Variants in CSMD1 observed in about 807,000 individuals in gnomAD.
CSMD1 encodes the protein CUB and sushi domain-containing protein 1.
In CSMD1, 213 loss-of-function variants were observed where a neutral mutation model predicts 417.5. The ratio of observed to expected loss-of-function variants is 0.51; its 90% CI spans 0.46 to 0.57. The LOEUF is 0.57. CSMD1 is among the 20% of genes least tolerant of loss of function. CSMD1 has a pLI of 0.00. For synonymous variants in CSMD1, 2,862 were observed against 1,736.8 expected, an observed-to-expected ratio of 1.65 and a Z score of -16.11; for missense variants, 6,923 against 4,529.7, an observed-to-expected ratio of 1.53 and a Z score of -15.17.
chr8:4,253,306 A>G (rs1053952222), intron 3 of CSMD1, among the ~76,000 whole-genome samples: 1 of 152,156 alleles, frequency 6.6e-6, no homozygotes, highest in African/African-American at 2.4e-5. Flanking sequence ...TTCAATATTC[A>G]TGTTTTGTCT....
At chr8:3,205,373 C>G in intron 31 of CSMD1, 131 bp downstream of exon 31, 1 of 578,958 alleles carries the variant, frequency 1.7e-6, no homozygotes. Context: ...AGGCCTGCTA[C>G]TTAAATGCAA....
At chr8:4,171,683 G>C (rs989326101) in intron 3 of CSMD1, among the ~76,000 whole-genome samples, 2 of 148,904 alleles carry the variant, frequency 1.3e-5, no homozygotes, top group African/African-American at 2.6e-5. Flanking sequence ...AGAATATTTA[G>C]AACAAAGTTA....
intron 41 of CSMD1, chr8:3,128,748 C>A: frequency 2.5e-6 from 1 of 398,858 alleles, no homozygotes; most frequent in Non-Finnish European, 4.9e-6. Flanking sequence ...ATTTTTATAT[C>A]TCAGTGATAG....
chr8:4,304,141 C>G (rs912095438), intron 3 of CSMD1, among the ~76,000 whole-genome samples: 1 of 151,964 alleles, frequency 6.6e-6, no homozygotes, highest in African/African-American at 2.4e-5. Flanking sequence ...TTTGAATTTT[C>G]AAATAAAACA....
intron 5 of CSMD1, among the ~76,000 whole-genome samples, chr8:3,912,442 A>G (rs1285522886): frequency 1.3e-5 from 2 of 152,180 alleles, no homozygotes; most frequent in Admixed American, 1.3e-4. Flanking sequence ...AGAGTAGACC[A>G]GGGAAGACAT....
rs576323030 is a variant in CSMD1 at position 3,343,625 on chromosome 8, A to G, written c.3475-175T>C. Among the ~76,000 whole-genome samples, 140 of 152,300 alleles carry G rather than the reference A, an allele frequency of 9.2e-4. 1 individual carries two copies. The highest frequency in any genetic ancestry group is 3.2e-3 in the African/African-American group (135 of 41,566). ...GAGCTAAATCATATTTGTTCTTTAA[A>G]TTTTATCTTTACCATTAACACTGGA... On this transcript the variant is annotated intron_variant, in intron 22 of 69. Coordinates refer to ENST00000635120, the MANE Select transcript of CSMD1 (RefSeq NM_033225.6).
At chr8:3,151,234 C>T in intron 40 of CSMD1, 163 bp downstream of exon 40, 1 of 519,272 alleles carries the variant, frequency 1.9e-6, no homozygotes, top group Non-Finnish European at 3.4e-6. Flanking sequence ...ATAAGTTTTC[C>T]ACTCTCAAAG....
At chr8:4,143,377 T>G (rs1803912010) in intron 3 of CSMD1, among the ~76,000 whole-genome samples, 1 of 150,592 alleles carries the variant, frequency 6.6e-6, no homozygotes, top group Non-Finnish European at 1.5e-5. Context: ...ATCCCTTTTT[T>G]TTTTTTTTTT....
intron 1 of CSMD1, among the ~76,000 whole-genome samples, chr8:4,973,654 A>G (rs927405092): frequency 2.0e-4 from 30 of 152,150 alleles, no homozygotes; most frequent in Non-Finnish European, 4.0e-4. Flanking sequence ...AGTACACTCT[A>G]TTGAAGAATA....
Position 2,965,952 on chromosome 8 carries a change from T to TA in CSMD1, c.9102dup (p.Ile3035TyrfsTer30). 1 of 1,601,166 alleles carries TA rather than the reference T, an allele frequency of 6.2e-7. No individual in the cohort carries two copies. The highest frequency in any genetic ancestry group is 8.5e-7 in the Non-Finnish European group (1 of 1,173,336). ...AGTGTGCCTGGATCCCCACAACTTATAACTAATAAACAGGGAACAGGAAAG... is the reference window on the plus strand; with the variant it reads ...AGTGTGCCTGGATCCCCACAACTTATAAACTAATAAACAGGGAACAGGAAAG... On this transcript the variant is annotated frameshift_variant and splice_region_variant, in exon 59 of 70. Coordinates refer to ENST00000635120, the MANE Select transcript of CSMD1 (RefSeq NM_033225.6). LOFTEE classifies it high-confidence loss of function.
chr8:3,839,707 G>A (rs1232094579), intron 5 of CSMD1, among the ~76,000 whole-genome samples: 2 of 149,160 alleles, frequency 1.3e-5, no homozygotes, highest in Admixed American at 1.4e-4. Context: ...TGTGGAGAAT[G>A]AACAAGTCTC....
chr8:4,548,151 T>G (rs1383759888), intron 2 of CSMD1, among the ~76,000 whole-genome samples: 1 of 151,686 alleles, frequency 6.6e-6, no homozygotes, highest in Non-Finnish European at 1.5e-5. Flanking sequence ...GTACCGAATG[T>G]CTAGGATTGG....
chr8:3,749,550 T>G (rs1344651411), intron 6 of CSMD1, among the ~76,000 whole-genome samples: 1 of 152,168 alleles, frequency 6.6e-6, no homozygotes, highest in Non-Finnish European at 1.5e-5. Context: ...AGAAAGAATA[T>G]TTTATGTTGG....
In CSMD1 at chr8:3,857,081, T is replaced by C. The variant is rs554256254; in HGVS notation, c.819-103039A>G. Among the ~76,000 whole-genome samples the C allele has an allele frequency of 2.0e-3, 310 of 151,940 alleles. 1 individual carries two copies. The highest frequency in any genetic ancestry group is 2.1e-3 in the Non-Finnish European group (143 of 67,950). On this transcript the variant is annotated intron_variant, in intron 5 of 69. Transcript: ENST00000635120. ...CACACTTACTTCAGGAAAAAAAAAA[T>C]TAAAAATGACTAAGACACAGCTCTT...
chr8:3,997,873 T>G, intron 5 of CSMD1, 30 bp downstream of exon 5: 1 of 1,587,482 alleles, frequency 6.3e-7, no homozygotes, highest in Non-Finnish European at 8.6e-7. Flanking sequence ...CACACCTGTA[T>G]CCTTTGTGGC....
At chr8:3,977,978 G>A (rs566425896) in intron 5 of CSMD1, among the ~76,000 whole-genome samples, 1 of 152,138 alleles carries the variant, frequency 6.6e-6, no homozygotes, top group African/African-American at 2.4e-5. Context: ...CCATCTACTA[G>A]CTCTTACCAT....
chr8:4,214,064 T>C (rs1249089076), intron 3 of CSMD1, among the ~76,000 whole-genome samples: 2 of 152,190 alleles, frequency 1.3e-5, no homozygotes, highest in South Asian at 2.1e-4. Flanking sequence ...TCAATAAATA[T>C]CTGACCTACT....
At chr8:3,522,190 T>C (rs561553466) in intron 10 of CSMD1, among the ~76,000 whole-genome samples, 1 of 152,236 alleles carries the variant, frequency 6.6e-6, no homozygotes, top group Non-Finnish European at 1.5e-5. Context: ...GAAAAATCGT[T>C]ATATGATTAA....
chr8:4,368,207 T>C (rs999043769), intron 3 of CSMD1, among the ~76,000 whole-genome samples: 5 of 152,174 alleles, frequency 3.3e-5, no homozygotes, highest in Non-Finnish European at 5.9e-5. Context: ...CATGAATGTG[T>C]GCTGAATTTA....
Sources: gnomAD v4.1 joint callset for allele counts (sites outside exome capture counted in the v4.1 genomes callset) on GRCh38, gnomAD v4.1.1 for gene constraint, MANE v1.5 for transcripts, NCBI Gene and HGNC (gene_info 2026-07-23, HGNC 2026-07-21) for gene names.